The following MAGI1 variants were observed in gnomAD, a reference collection of about 807,000 sequenced individuals.
The protein encoded by MAGI1 is membrane-associated guanylate kinase, WW and PDZ domain-containing protein 1.
A neutral mutation model predicts 139.9 loss-of-function variants in MAGI1; 58 were observed. That is an observed-to-expected ratio of 0.41 (90% CI 0.34 to 0.52). The LOEUF is 0.52. Among genes scored for constraint, MAGI1 ranks in the 20% least tolerant of loss-of-function variants. The pLI is 0.12. For missense variants in MAGI1, 1,874 were observed against 1,901.6 expected, an observed-to-expected ratio of 0.99 and a Z score of 0.27; for synonymous variants, 812 against 737.9, an observed-to-expected ratio of 1.10 and a Z score of -1.63.
intron 1 of MAGI1, among the ~76,000 whole-genome samples, chr3:66,036,899 C>G (rs1576547149): frequency 6.6e-6 from 1 of 152,336 alleles, no homozygotes; most frequent in East Asian, 1.9e-4. Context: ...AGGACAGCCC[C>G]TTGTCTGTAC....
intron 1 of MAGI1, among the ~76,000 whole-genome samples, chr3:65,788,124 C>T (rs1418613009): frequency 2.6e-5 from 4 of 152,138 alleles, no homozygotes; most frequent in African/African-American, 7.2e-5. Flanking sequence ...CTCAACTGTG[C>T]CCAAGTAAAC....
intron 1 of MAGI1, among the ~76,000 whole-genome samples, chr3:65,950,059 C>T (rs7433549): frequency 1.5e-4 from 2 of 13,464 alleles, no homozygotes; most frequent in Non-Finnish European, 2.8e-4. Context: ...AAAAAAAAAA[C>T]AAAAAAACAA....
chr3:66,037,858 A>G (rs1576550364), intron 1 of MAGI1, 138 bp downstream of exon 1: 2 of 1,421,502 alleles, frequency 1.4e-6, no homozygotes, highest in Non-Finnish European at 1.9e-6. Flanking sequence ...TGTGTATTTC[A>G]CCGCCACCAC....
chr3:65,646,644 T>C (rs942892492), intron 1 of MAGI1, among the ~76,000 whole-genome samples: 131 of 152,202 alleles, frequency 8.6e-4, no homozygotes, highest in African/African-American at 2.8e-3. Context: ...TTGACCGTGT[T>C]GTGTATGATA....
At chr3:65,513,138 G>T (rs1314687929) in intron 2 of MAGI1, among the ~76,000 whole-genome samples, 1 of 37,302 alleles carries the variant, frequency 2.7e-5, no homozygotes, top group Non-Finnish European at 5.2e-5. Context: ...AATAAATTAG[G>T]TATTGATGGG....
intron 1 of MAGI1, among the ~76,000 whole-genome samples, chr3:65,707,068 C>T (rs2030437375): frequency 6.6e-6 from 1 of 152,178 alleles, no homozygotes; most frequent in African/African-American, 2.4e-5. Flanking sequence ...CAGGGAATGA[C>T]AGCTCATTGA....
At chr3:65,727,409 T>A (rs949336424) in intron 1 of MAGI1, among the ~76,000 whole-genome samples, 6 of 152,178 alleles carry the variant, frequency 3.9e-5, no homozygotes, top group Non-Finnish European at 7.3e-5. Context: ...TATTTATTTG[T>A]TTTTGAGGTG....
intron 22 of MAGI1, chr3:65,360,851 GAGT>G (rs1318449922): frequency 1.7e-6 from 2 of 1,146,452 alleles, no homozygotes; most frequent in Admixed American, 8.6e-5. Flanking sequence ...TTCTTAAAAG[GAGT>G]ATATAGTCAT....
chr3:65,591,173 G>C (rs1205819972), intron 2 of MAGI1, among the ~76,000 whole-genome samples: 2 of 152,092 alleles, frequency 1.3e-5, no homozygotes, highest in African/African-American at 2.4e-5. Flanking sequence ...CTGACTTCTT[G>C]AGAGTCCTGA....
intron 1 of MAGI1, among the ~76,000 whole-genome samples, chr3:65,689,401 T>G (rs143800762): frequency 0.01 from 1,596 of 152,280 alleles, 9 homozygotes; most frequent in Non-Finnish European, 0.017. Context: ...ACCTTCAAAT[T>G]TGCACTCAGT....
rs947080107 is a variant in MAGI1 at position 65,354,067 on chromosome 3, T to C, written c.*2311A>G. 1.3e-5 allele frequency: 2 copies of C among 152,242 alleles called. No individual in the cohort carries two copies. Among genetic ancestry groups the C allele is most frequent in the Non-Finnish European group, 2.9e-5 (2 of 68,044 alleles). The allele number at this position is 152,242 out of a possible 1,614,324, so 9.4% of individuals were successfully genotyped here. ...CCTTGATTTCATTTATTTAAAACTC[T>C]GGATCACAATTGAGAGCATCAGTCA... On this transcript the variant is annotated 3_prime_UTR_variant, in exon 23 of 23. Coordinates refer to ENST00000402939, the MANE Select transcript of MAGI1 (RefSeq NM_001033057.2).
intron 2 of MAGI1, among the ~76,000 whole-genome samples, chr3:65,540,238 C>T (rs1307306834): frequency 1.3e-5 from 2 of 152,152 alleles, no homozygotes; most frequent in Non-Finnish European, 2.9e-5. Context: ...AGAGACTTCT[C>T]AGTTTATACA....
At chr3:66,015,517 T>A (rs1363948932) in intron 1 of MAGI1, among the ~76,000 whole-genome samples, 1 of 152,100 alleles carries the variant, frequency 6.6e-6, no homozygotes, top group Non-Finnish European at 1.5e-5. Context: ...AAAATGGGAA[T>A]GATTATAACA....
chr3:65,990,620 G>A (rs1216727886), intron 1 of MAGI1, among the ~76,000 whole-genome samples: 2 of 152,238 alleles, frequency 1.3e-5, no homozygotes, highest in Non-Finnish European at 1.5e-5. Context: ...CCAGTATAAC[G>A]TAACATTCCT....
chr3:65,620,081 T>A, intron 2 of MAGI1: 1 of 729,668 alleles, frequency 1.4e-6, no homozygotes, highest in Non-Finnish European at 1.7e-6. Context: ...GTGGAAAAAA[T>A]AAATGGGAGA....
chr3:65,364,684 T>A lies in MAGI1; in HGVS notation c.3332A>T (p.Lys1111Ile), dbSNP rs764361449. 1.9e-6 allele frequency: 3 copies of A among 1,613,974 alleles called. No individual in the cohort carries two copies. Among genetic ancestry groups the A allele is most frequent in the African/African-American group, 2.7e-5 (2 of 74,924 alleles). Reference sequence around the variant, plus strand: ...GCTCACCTGTGTTGCTTGGGGTGCTTTGAACTCAAATTGAGATTCCTGCTT... The same window carrying A: ...GCTCACCTGTGTTGCTTGGGGTGCTATGAACTCAAATTGAGATTCCTGCTT... ...KPKQESQFEF[K>I]APQATQEQDF... is the part of the protein sequence containing the mutation. The change falls in exon 20 of 23, where the codon AAA (lysine) becomes ATA (isoleucine). Residue 1111 changes from lysine to isoleucine, a missense_variant. By Grantham distance (102) the Lys-to-Ile change is moderately radical. Transcript: ENST00000402939.
intron 12 of MAGI1, among the ~76,000 whole-genome samples, chr3:65,405,137 G>GA (rs1363190967): frequency 6.6e-6 from 1 of 152,170 alleles, no homozygotes; most frequent in Non-Finnish European, 1.5e-5. Flanking sequence ...CTATTCCAGG[G>GA]AAGTGTATGT....
intron 1 of MAGI1, among the ~76,000 whole-genome samples, chr3:65,677,397 G>A (rs1182337705): frequency 2.6e-5 from 4 of 152,090 alleles, no homozygotes; most frequent in Non-Finnish European, 5.9e-5. Flanking sequence ...CTGGGTTGAG[G>A]GTAGGAGCAC....
At chr3:65,546,442 A>G (rs1257263412) in intron 2 of MAGI1, among the ~76,000 whole-genome samples, 4 of 152,186 alleles carry the variant, frequency 2.6e-5, no homozygotes, top group African/African-American at 9.7e-5. Context: ...TTTTATAAAT[A>G]TTGGGCTTGC....
Sources: gnomAD v4.1 joint callset for allele counts (sites outside exome capture counted in the v4.1 genomes callset) on GRCh38, gnomAD v4.1.1 for gene constraint, MANE v1.5 for transcripts, NCBI Gene and HGNC (gene_info 2026-07-23, HGNC 2026-07-21) for gene names.